PDIA5: variants seen among roughly 807,000 people sequenced by gnomAD.
The protein encoded by PDIA5 is protein disulfide-isomerase A5.
Under a neutral mutation model 77.6 loss-of-function variants are expected in PDIA5, and 58 were observed. The ratio of observed to expected loss-of-function variants is 0.75; its 90% CI spans 0.61 to 0.93. The LOEUF is 0.93. Ranked by LOEUF, PDIA5 falls within the 40% of genes least tolerant of loss-of-function variation. PDIA5 has a pLI of 0.00. For synonymous variants in PDIA5, 250 were observed against 252.1 expected, an observed-to-expected ratio of 0.99 and a Z score of 0.08; for missense variants, 630 against 647.7, an observed-to-expected ratio of 0.97 and a Z score of 0.30.
chr3:123,154,536 T>A (rs1935976734), intron 14 of PDIA5, among the ~76,000 whole-genome samples: 1 of 152,088 alleles, frequency 6.6e-6, no homozygotes, highest in African/African-American at 2.4e-5. Flanking sequence ...CACCCTGCAT[T>A]TCCCAACGCC....
chr3:123,124,344 G>A lies in PDIA5; in HGVS notation c.773+1G>A. On this transcript the variant is annotated splice_donor_variant, in intron 10 of 16. Transcript: ENST00000316218. LOFTEE classifies it high-confidence loss of function. ...AGGACATTGTGGAGTGGCTGAAGAA[G>A]TAAGTGGGGTGTGTGTGTGTCAGTG... is the stretch of plus-strand genomic sequence containing the variant. 1.9e-6 allele frequency: 3 copies of A among 1,610,870 alleles called. No individual in the cohort carries two copies. The highest frequency in any genetic ancestry group is 1.7e-6 in the Non-Finnish European group (2 of 1,176,954).
chr3:123,082,056 G>A (rs1475938207), intron 1 of PDIA5, among the ~76,000 whole-genome samples: 1 of 152,202 alleles, frequency 6.6e-6, no homozygotes, highest in African/African-American at 2.4e-5. Context: ...GCCACATTTA[G>A]GATCTTCATG....
intron 13 of PDIA5, among the ~76,000 whole-genome samples, chr3:123,149,015 A>T (rs776449171): frequency 6.0e-4 from 91 of 152,244 alleles, no homozygotes; most frequent in Admixed American, 2.0e-3. Context: ...TTCAGGGAAA[A>T]GGCAGAGCAG....
At chr3:123,083,167 A>G (rs1050539711) in intron 1 of PDIA5, among the ~76,000 whole-genome samples, 5 of 124,086 alleles carry the variant, frequency 4.0e-5, no homozygotes, top group Admixed American at 2.1e-4. Flanking sequence ...GAGAGCCTGT[A>G]CTCAGGGGAG....
intron 1 of PDIA5, among the ~76,000 whole-genome samples, chr3:123,078,450 A>G (rs1280503891): frequency 6.6e-6 from 1 of 152,154 alleles, no homozygotes; most frequent in African/African-American, 2.4e-5. Flanking sequence ...TTTAGAAATA[A>G]TATCAGATTT....
intron 11 of PDIA5, among the ~76,000 whole-genome samples, chr3:123,144,335 A>G (rs1293883754): frequency 6.6e-6 from 1 of 152,124 alleles, no homozygotes; most frequent in Non-Finnish European, 1.5e-5. Context: ...ACGACCTGTC[A>G]TCCGCTGATC....
At chr3:123,112,119 T>C (rs1223870926) in intron 7 of PDIA5, among the ~76,000 whole-genome samples, 1 of 152,208 alleles carries the variant, frequency 6.6e-6, no homozygotes, top group African/African-American at 2.4e-5. Context: ...CACAGTCTAA[T>C]GGCTCCCAAC....
At chr3:123,139,986 A>G (rs999708161) in intron 11 of PDIA5, among the ~76,000 whole-genome samples, 4 of 152,140 alleles carry the variant, frequency 2.6e-5, no homozygotes, top group African/African-American at 9.7e-5. Flanking sequence ...AGAAAATAAA[A>G]CAGGATATTG....
chr3:123,150,258 G>A lies in PDIA5; in HGVS notation c.1167G>A (p.Glu389=), dbSNP rs765141357. ...GCCCTGAGGCCCCCCCGCCCCCAGA[G>A]CCCACGTGGGAAGAGCAGCAGACAA... ...MQNPEAPPPP[E]PTWEEQQTSV... Residue 389 remains glutamate, a synonymous_variant, in exon 14 of 17, where the codon GAG becomes GAA. Coordinates refer to ENST00000316218, the MANE Select transcript of PDIA5 (RefSeq NM_006810.4). The A allele has an allele frequency of 1.7e-5, 27 of 1,613,098 alleles. 1 individual carries two copies. The South Asian group carries it at 2.9e-4, about 17-fold the overall frequency.
At chr3:123,127,647 C>A (rs145861815) in intron 10 of PDIA5, among the ~76,000 whole-genome samples, 40 of 152,300 alleles carry the variant, frequency 2.6e-4, no homozygotes, top group African/African-American at 9.1e-4. Context: ...TTATTTACAC[C>A]GAACTGGAGT....
intron 15 of PDIA5, among the ~76,000 whole-genome samples, chr3:123,160,339 G>A (rs1936130661): frequency 6.6e-6 from 1 of 152,190 alleles, no homozygotes; most frequent in Non-Finnish European, 1.5e-5. Context: ...AACAACAAAT[G>A]ATGAGGAAAA....
At position 123,108,073 on chromosome 3, in the gene PDIA5, G is replaced by A. The variant is rs1026100684; in HGVS notation, c.480+1232G>A. Among the ~76,000 whole-genome samples the A allele has an allele frequency of 2.0e-5, 3 of 151,830 alleles. No homozygotes were observed. In the East Asian group the frequency reaches 5.9e-4, roughly 30 times the overall value. On this transcript the variant is annotated intron_variant, in intron 6 of 16. Coordinates refer to ENST00000316218, the MANE Select transcript of PDIA5 (RefSeq NM_006810.4). Reference sequence around the variant, plus strand: ...CAGCCTCCCAAAGTGCTGGGATTACGGGCATGGGCCTCTGTAACTTGCCTA... The same window carrying A: ...CAGCCTCCCAAAGTGCTGGGATTACAGGCATGGGCCTCTGTAACTTGCCTA...
chr3:123,088,191 T>C (rs1934190816), intron 1 of PDIA5, among the ~76,000 whole-genome samples: 1 of 152,238 alleles, frequency 6.6e-6, no homozygotes, highest in Non-Finnish European at 1.5e-5. Flanking sequence ...TGCCCAGCTG[T>C]GCAATCTGGG....
In PDIA5 at chr3:123,090,691, G is replaced by A. The variant is rs143612203; in HGVS notation, c.169+1397G>A. ...TTGAGATCAGGTTGGGGCTGAGGCCGGAAAATCATTATGGGAAGTTAGAGA... is the reference window on the plus strand; with the variant it reads ...TTGAGATCAGGTTGGGGCTGAGGCCAGAAAATCATTATGGGAAGTTAGAGA... On this transcript the variant is annotated intron_variant, in intron 2 of 16. Transcript: ENST00000316218. Among the ~76,000 whole-genome samples, 338 of 152,314 alleles carry A rather than the reference G, an allele frequency of 2.2e-3. 2 individuals carry two copies. The highest frequency in any genetic ancestry group is 0.015 in the South Asian group (74 of 4,824).
chr3:123,099,058 C>T (rs1440002628), intron 3 of PDIA5, among the ~76,000 whole-genome samples: 1 of 81,202 alleles, frequency 1.2e-5, no homozygotes, highest in African/African-American at 5.0e-5. Context: ...CATGCTTGCG[C>T]ACACACACAC....
chr3:123,130,382 C>G, intron 10 of PDIA5, 98 bp from the exon 11 acceptor site: 1 of 1,363,312 alleles, frequency 7.3e-7, no homozygotes. Context: ...TGGGCCGTCC[C>G]GAGCCCATGG....
At chr3:123,130,726 G>A in intron 11 of PDIA5, 110 bp downstream of exon 11, 1 of 1,266,750 alleles carries the variant, frequency 7.9e-7, no homozygotes, top group Non-Finnish European at 1.1e-6. Flanking sequence ...TGGATGCCAG[G>A]ACCCATGCTA....
At chr3:123,079,174 T>C (rs1307297960) in intron 1 of PDIA5, among the ~76,000 whole-genome samples, 2 of 147,572 alleles carry the variant, frequency 1.4e-5, no homozygotes, top group African/African-American at 5.0e-5. Context: ...TATTTTGAAT[T>C]CTTTTTTTTT....
intron 7 of PDIA5, among the ~76,000 whole-genome samples, chr3:123,115,275 C>G (rs150746656): frequency 4.6e-5 from 7 of 152,298 alleles, no homozygotes; most frequent in Admixed American, 4.6e-4. Flanking sequence ...CTGCTCATGT[C>G]CTGTGGGATC....
Sources: allele counts gnomAD v4.1 joint callset (sites outside exome capture counted in the v4.1 genomes callset), GRCh38; gene constraint gnomAD v4.1.1; transcripts MANE v1.5; gene names NCBI Gene and HGNC (gene_info 2026-07-23, HGNC 2026-07-21).